The following GABBR2 variants were observed in gnomAD, a reference collection of about 807,000 sequenced individuals.
GABBR2 encodes the protein G-protein coupled receptor 51.
In GABBR2, 23 loss-of-function variants were observed where a neutral mutation model predicts 105.6. The ratio of observed to expected loss-of-function variants is 0.22; its 90% confidence interval spans 0.16 to 0.31. The LOEUF (loss-of-function observed/expected upper bound fraction) is 0.31. GABBR2 is among the 10% of genes least tolerant of loss of function. GABBR2 has a pLI of 1.00. For synonymous variants in GABBR2, 478 were observed against 499.7 expected (o/e 0.96, Z 0.58); for missense variants, 734 against 1,245.5 (o/e 0.59, Z 6.18).
intron 3 of GABBR2, among the ~76,000 whole-genome samples, chr9:98,501,614 T>A (rs951122470): frequency 1.2e-4 from 19 of 152,068 alleles, no homozygotes; most frequent in African/African-American, 4.6e-4. Context: ...CAGAGGACAG[T>A]TTTAAGTAAA....
chr9:98,692,511 G>C (rs138245445), intron 1 of GABBR2, among the ~76,000 whole-genome samples: 99 of 152,330 alleles, frequency 6.5e-4, no homozygotes, highest in African/African-American at 2.3e-3. Flanking sequence ...TCCGGGGCTT[G>C]GCCTAAGGGC....
rs1396530873 is a variant in GABBR2 at position 98,371,334 on chromosome 9, G to T, written c.1770+130C>A. ...CGATTTCCCCAGTAGGGTGAAGGTG[G>T]CAGGAGGTAGGGATTGTGTTTAGCT... On this transcript the variant is annotated intron_variant, in intron 12 of 18. Transcript: ENST00000259455. 5 of 625,532 alleles carry T rather than the reference G, an allele frequency of 8.0e-6. No individual in the cohort carries two copies. The African/African-American group carries it at 9.2e-5, about 11-fold the overall frequency. The allele number at this position is 625,532 out of a possible 1,614,324, so 38.7% of individuals were successfully genotyped here.
At chr9:98,611,363 C>G (rs965138229) in intron 1 of GABBR2, among the ~76,000 whole-genome samples, 2 of 152,270 alleles carry the variant, frequency 1.3e-5, no homozygotes, top group African/African-American at 4.8e-5. Context: ...TTACTGTCAC[C>G]CCATCCCATC....
rs76169319 is a variant in GABBR2 at position 98,409,505 on chromosome 9, G to A, written c.1237-3364C>T. On this transcript the variant is annotated intron_variant, in intron 7 of 18. Coordinates refer to ENST00000259455, the MANE Select transcript of GABBR2 (RefSeq NM_005458.8). Reference sequence around the variant, plus strand: ...GAGCCCAGGGCAGTGCCTGTCTTCCGTTTGACTCCTCTTATCCTGTGTGGT... The same window carrying A: ...GAGCCCAGGGCAGTGCCTGTCTTCCATTTGACTCCTCTTATCCTGTGTGGT... Among the ~76,000 whole-genome samples the A allele has an allele frequency of 9.0e-3, 1,370 of 152,288 alleles. 13 individuals are homozygous for A. Among genetic ancestry groups the A allele is most frequent in the African/African-American group, 0.031 (1,278 of 41,566 alleles).
chr9:98,416,115 G>T (rs1832686000), intron 7 of GABBR2, among the ~76,000 whole-genome samples: 1 of 152,152 alleles, frequency 6.6e-6, no homozygotes, highest in Non-Finnish European at 1.5e-5. Flanking sequence ...CACCCACCAT[G>T]GTAGATTTCA....
At chr9:98,334,417 T>C (rs1465237323) in intron 13 of GABBR2, among the ~76,000 whole-genome samples, 2 of 152,220 alleles carry the variant, frequency 1.3e-5, no homozygotes, top group African/African-American at 4.8e-5. Context: ...CCAGTTCTCA[T>C]GCGTAGCAAG....
chr9:98,640,842 C>T (rs1829950823), intron 1 of GABBR2, among the ~76,000 whole-genome samples: 2 of 152,130 alleles, frequency 1.3e-5, no homozygotes, highest in Admixed American at 1.3e-4. Context: ...CTGAGGGACA[C>T]ACGAGCTGAT....
At chr9:98,409,475 G>A (rs1832546997) in intron 7 of GABBR2, among the ~76,000 whole-genome samples, 2 of 152,208 alleles carry the variant, frequency 1.3e-5, no homozygotes, top group Non-Finnish European at 2.9e-5. Flanking sequence ...ATGTAGCTAA[G>A]CACCGAGCCC....
At chr9:98,566,798 CAAAAAAA>C (rs55752458) in intron 2 of GABBR2, among the ~76,000 whole-genome samples, 3 of 88,206 alleles carry the variant, frequency 3.4e-5, no homozygotes, top group East Asian at 3.8e-4. Flanking sequence ...AAGACACTGT[CAAAAAAA>C]AAAAAAAAAA....
chr9:98,359,392 T>G (rs1321605848), intron 13 of GABBR2, among the ~76,000 whole-genome samples: 4 of 152,092 alleles, frequency 2.6e-5, no homozygotes, highest in African/African-American at 9.7e-5. Context: ...ATCATGCCAC[T>G]GCACTCCAGC....
At chr9:98,414,502 C>T (rs970291064) in intron 7 of GABBR2, among the ~76,000 whole-genome samples, 2 of 152,210 alleles carry the variant, frequency 1.3e-5, no homozygotes, top group African/African-American at 2.4e-5. Flanking sequence ...TGCTGAGCTT[C>T]ATTTTGAATG....
At chr9:98,300,220 G>A (rs1441419564) in intron 16 of GABBR2, among the ~76,000 whole-genome samples, 1 of 151,752 alleles carries the variant, frequency 6.6e-6, no homozygotes, top group Non-Finnish European at 1.5e-5. Flanking sequence ...AGACATGCAG[G>A]GCTCGCGAGC....
chr9:98,608,797 AT>A (rs1204517990), intron 1 of GABBR2, among the ~76,000 whole-genome samples: 1 of 152,204 alleles, frequency 6.6e-6, no homozygotes, highest in African/African-American at 2.4e-5. Flanking sequence ...TTGTAATAAC[AT>A]TTAATTTAGA....
intron 7 of GABBR2, among the ~76,000 whole-genome samples, chr9:98,438,538 C>G (rs547333472): frequency 1.4e-3 from 216 of 152,304 alleles, no homozygotes; most frequent in Non-Finnish European, 2.6e-3. Context: ...ACCCTACCCT[C>G]AAGGAGTTGG....
intron 3 of GABBR2, among the ~76,000 whole-genome samples, chr9:98,512,400 C>T (rs1247779561): frequency 6.6e-6 from 1 of 151,434 alleles, no homozygotes. Flanking sequence ...GTTGGAAGTG[C>T]TGGCCAGGGC....
At chr9:98,567,577 G>A (rs867762) in intron 2 of GABBR2, among the ~76,000 whole-genome samples, 6,453 of 152,190 alleles carry the variant, frequency 0.042, 281 homozygotes, top group East Asian at 0.15. Flanking sequence ...TTCAGGGCCC[G>A]GTTGGCATCA....
At chr9:98,352,249 G>A (rs893266437) in intron 13 of GABBR2, among the ~76,000 whole-genome samples, 1 of 152,230 alleles carries the variant, frequency 6.6e-6, no homozygotes, top group African/African-American at 2.4e-5. Flanking sequence ...GTTGTCTACT[G>A]GGTGTGCCAG....
intron 13 of GABBR2, among the ~76,000 whole-genome samples, chr9:98,357,601 C>A (rs1831507638): frequency 6.6e-6 from 1 of 152,030 alleles, no homozygotes; most frequent in African/African-American, 2.4e-5. Context: ...GTGATCTTGC[C>A]ATTGCACTCC....
intron 13 of GABBR2, among the ~76,000 whole-genome samples, chr9:98,332,200 G>C (rs979325280): frequency 6.6e-6 from 1 of 152,202 alleles, no homozygotes; most frequent in African/African-American, 2.4e-5. Flanking sequence ...CTGCAGCAGA[G>C]TCTGCAGGAT....
Sources: gnomAD v4.1 joint callset for allele counts (sites outside exome capture counted in the v4.1 genomes callset) on GRCh38, gnomAD v4.1.1 for gene constraint, MANE v1.5 for transcripts, NCBI Gene and HGNC (gene_info 2026-07-23, HGNC 2026-07-21) for gene names.